Variants in ZDHHC7 observed in about 807,000 individuals in gnomAD.
The protein encoded by ZDHHC7 is zDHHC palmitoyltransferase 7.
In ZDHHC7, 12 loss-of-function variants were observed where a neutral mutation model predicts 34.1. The observed-to-expected ratio is 0.35, with a 90% CI of 0.23 to 0.57. The LOEUF (loss-of-function observed/expected upper bound fraction) is 0.57. Among genes scored for constraint, ZDHHC7 ranks in the 20% least tolerant of loss-of-function variants. The probability of loss-of-function intolerance (pLI) is 0.84; values close to 1 mark genes in which losing one functional copy is unlikely to be tolerated. For missense variants in ZDHHC7, 388 were observed against 402.7 expected (o/e 0.96, Z 0.31); for synonymous variants, 185 against 155.4 (o/e 1.19, Z -1.42).
chr16:84,987,262 AAAG>A (rs1341005194), intron 3 of ZDHHC7, among the ~76,000 whole-genome samples: 3 of 152,238 alleles, frequency 2.0e-5, no homozygotes, highest in Admixed American at 2.0e-4. Context: ...ACATGCTTCC[AAAG>A]AAGACACACA....
chr16:85,001,632 C>A (rs1027091836), intron 1 of ZDHHC7, among the ~76,000 whole-genome samples: 11 of 152,226 alleles, frequency 7.2e-5, no homozygotes, highest in Non-Finnish European at 1.5e-4. Context: ...GATATGTATA[C>A]ACACATGGGT....
chr16:85,002,761 C>T (rs1015676619), intron 1 of ZDHHC7, among the ~76,000 whole-genome samples: 4 of 152,074 alleles, frequency 2.6e-5, no homozygotes, highest in Non-Finnish European at 5.9e-5. Context: ...ATGATCCTTC[C>T]TCCCTGGAGG....
At chr16:85,008,364 T>C (rs564280924) in intron 1 of ZDHHC7, among the ~76,000 whole-genome samples, 2 of 151,976 alleles carry the variant, frequency 1.3e-5, no homozygotes, top group Non-Finnish European at 2.9e-5. Context: ...CAATACTCCA[T>C]GCATACTGTC....
chr16:84,981,371 C>T (rs2072365352), intron 4 of ZDHHC7, among the ~76,000 whole-genome samples: 1 of 152,230 alleles, frequency 6.6e-6, no homozygotes, highest in Admixed American at 6.5e-5. Flanking sequence ...AATGAGAGCA[C>T]ATCCAAAAGA....
At chr16:84,979,107 G>C (rs2072334752) in intron 5 of ZDHHC7, 82 bp downstream of exon 5, 2 of 1,374,040 alleles carry the variant, frequency 1.5e-6, no homozygotes. Context: ...CCTGACGTTA[G>C]TAGATTTCTC....
chr16:84,983,980 A>AT lies in ZDHHC7; in HGVS notation c.316-1987dup, dbSNP rs1223055262. Among the ~76,000 whole-genome samples, 3 of 128,246 alleles carry AT rather than the reference A, an allele frequency of 2.3e-5. No homozygotes were observed. In the Admixed American group the frequency reaches 2.4e-4, roughly 10 times the overall value. The allele number at this position is 128,246 out of a possible 152,430, so 84.1% of individuals were successfully genotyped here. ...GCACTCCAGCAAAAAAAAAAAAAAA[A>AT]TTTTTACTTAACTTACATTCTACAA... On this transcript the variant is annotated intron_variant, in intron 3 of 7. Coordinates refer to ENST00000313732, the MANE Select transcript of ZDHHC7 (RefSeq NM_017740.3).
At chr16:84,997,653 G>C (rs1448707164) in intron 1 of ZDHHC7, among the ~76,000 whole-genome samples, 1 of 151,276 alleles carries the variant, frequency 6.6e-6, no homozygotes, top group Admixed American at 6.6e-5. Context: ...CCAGCACTTT[G>C]GGAGGCTGAG....
chr16:84,997,644 C>A (rs971727008), intron 1 of ZDHHC7, among the ~76,000 whole-genome samples: 4 of 151,286 alleles, frequency 2.6e-5, no homozygotes, highest in Admixed American at 2.0e-4. Flanking sequence ...CCTGTAACCC[C>A]AGCACTTTGG....
chr16:84,977,470 A>G (rs2143539426), intron 6 of ZDHHC7, among the ~76,000 whole-genome samples: 1 of 152,310 alleles, frequency 6.6e-6, no homozygotes, highest in Non-Finnish European at 1.5e-5. Context: ...TGAGGTTTCT[A>G]TTGACACTGT....
intron 2 of ZDHHC7, among the ~76,000 whole-genome samples, chr16:84,991,225 C>T (rs1299481168): frequency 6.6e-6 from 1 of 152,140 alleles, no homozygotes; most frequent in Non-Finnish European, 1.5e-5. Flanking sequence ...TTGGAGCAGA[C>T]TCCCATTTTT....
the ZDHHC7 span, among the ~76,000 whole-genome samples, chr16:85,017,729 G>A: frequency 6.6e-6 from 1 of 152,176 alleles, no homozygotes; most frequent in African/African-American, 2.4e-5. Context: ...ACCCCAGCTG[G>A]TGTCCAGGCT....
chr16:85,017,309 A>G, the ZDHHC7 span, among the ~76,000 whole-genome samples: 1 of 152,214 alleles, frequency 6.6e-6, no homozygotes, highest in Non-Finnish European at 1.5e-5. Flanking sequence ...TTAAACCACA[A>G]TGAAATAGTA....
chr16:84,992,330 A>G (rs1287050985), intron 2 of ZDHHC7, among the ~76,000 whole-genome samples: 2 of 88,412 alleles, frequency 2.3e-5, no homozygotes, highest in African/African-American at 9.4e-5. Flanking sequence ...AGTCGGGCAC[A>G]GTGGCAGGCG....
chr16:84,992,465 C>T (rs1306959207), intron 2 of ZDHHC7, among the ~76,000 whole-genome samples: 3 of 152,166 alleles, frequency 2.0e-5, no homozygotes, highest in South Asian at 2.1e-4. Context: ...GAGTGACACT[C>T]CCTCTCCAGA....
At chr16:84,976,985 C>A in intron 7 of ZDHHC7, 110 bp downstream of exon 7, 2 of 1,484,130 alleles carry the variant, frequency 1.3e-6, no homozygotes, top group Non-Finnish European at 1.8e-6. Flanking sequence ...CAAGACCGTC[C>A]CATTACGTTC....
At chr16:84,984,111 C>T (rs776195954) in intron 3 of ZDHHC7, among the ~76,000 whole-genome samples, 14 of 151,394 alleles carry the variant, frequency 9.2e-5, no homozygotes, top group Middle Eastern at 6.8e-3. Context: ...CCTCTGCCTC[C>T]GGGGTTCAAG....
chr16:84,976,291 C>CA lies in ZDHHC7; in HGVS notation c.*51dup. The CA allele has an allele frequency of 6.2e-7, 1 of 1,605,810 alleles. No individual in the cohort carries two copies. Among genetic ancestry groups the CA allele is most frequent in the Non-Finnish European group, 8.5e-7 (1 of 1,177,444 alleles). ...TGAGCTGTTGATATCCTTCAGACCC[C>CA]AAATAAATAACTGGAAGTCTGTGAG... is the stretch of plus-strand genomic sequence containing the variant. On this transcript the variant is annotated 3_prime_UTR_variant, in exon 8 of 8. Transcript: ENST00000313732.
intron 1 of ZDHHC7, among the ~76,000 whole-genome samples, chr16:85,010,872 G>A (rs1363360274): frequency 6.6e-6 from 1 of 152,236 alleles, no homozygotes; most frequent in Non-Finnish European, 1.5e-5. Flanking sequence ...AGCTTAAGAG[G>A]AAGAGAAGCC....
upstream of ZDHHC7, among the ~76,000 whole-genome samples, chr16:85,014,501 A>G (rs770706234): frequency 6.6e-6 from 1 of 152,224 alleles, no homozygotes; most frequent in Non-Finnish European, 1.5e-5. Context: ...TAAAGAAGGC[A>G]GTTAATCTGT....
Sources: allele counts gnomAD v4.1 joint callset (sites outside exome capture counted in the v4.1 genomes callset), GRCh38; gene constraint gnomAD v4.1.1; transcripts MANE v1.5; gene names NCBI Gene and HGNC (gene_info 2026-07-23, HGNC 2026-07-21).